MTOR: variants seen among roughly 807,000 people sequenced by gnomAD.
The protein encoded by MTOR is serine/threonine-protein kinase mTOR.
In MTOR, 70 loss-of-function variants were observed where a neutral mutation model predicts 319.8. The ratio of observed to expected loss-of-function variants is 0.22; its 90% CI spans 0.18 to 0.27. The LOEUF (loss-of-function observed/expected upper bound fraction) is 0.27, where lower values mean the gene tolerates loss of function less well. MTOR is among the 10% of genes least tolerant of loss of function. The probability of loss-of-function intolerance (pLI) is 1.00; values close to 1 mark genes in which losing one functional copy is unlikely to be tolerated. For synonymous variants in MTOR, 1,183 were observed against 1,211.4 expected (o/e 0.98, Z 0.49); for missense variants, 1,890 against 3,274.4 (o/e 0.58, Z 10.32).
Position 11,128,765 on chromosome 1 carries a change from C to A in MTOR, c.5811+90G>T. 8.5e-7 allele frequency: 1 copy of A among 1,178,292 alleles called. No homozygotes were observed. The highest frequency in any genetic ancestry group is 1.2e-6 in the Non-Finnish European group (1 of 800,346). The allele number at this position is 1,178,292 out of a possible 1,614,324, so 73.0% of individuals were successfully genotyped here. On this transcript the variant is annotated intron_variant, in intron 41 of 57. Transcript: ENST00000361445. This position sits in a 1 kb window ranked among gnomAD's most constrained non-coding sequence, Gnocchi z 5.3. The stretch of plus-strand genomic sequence containing the variant: ...CTTAGCACTGTATTAACACACACTG[C>A]CTTGTGACACTGAACACAGCATGCT...
chr1:11,190,035 A>C (rs1049263176), intron 28 of MTOR: 1 of 1,502,438 alleles, frequency 6.7e-7, no homozygotes, highest in Non-Finnish European at 8.9e-7. Context: ...GGTCATCAGA[A>C]CCACTACTGG....
intron 10 of MTOR, among the ~76,000 whole-genome samples, chr1:11,240,793 C>T (rs1461019454): frequency 1.3e-5 from 2 of 152,130 alleles, no homozygotes; most frequent in Non-Finnish European, 2.9e-5. Flanking sequence ...TACAGAAGAC[C>T]AAGTCTCAAC....
intron 5 of MTOR, among the ~76,000 whole-genome samples, chr1:11,254,909 C>A (rs114967026): frequency 6.6e-6 from 1 of 151,866 alleles, no homozygotes; most frequent in African/African-American, 2.4e-5. Context: ...GGACCACAGG[C>A]GTGTAACACC....
chr1:11,209,410 G>C lies in MTOR; in HGVS notation c.3703C>G (p.Arg1235Gly), dbSNP rs2100782176. 1 of 1,614,144 alleles carries C rather than the reference G, an allele frequency of 6.2e-7. No individual in the cohort carries two copies. The highest frequency in any genetic ancestry group is 8.5e-7 in the Non-Finnish European group (1 of 1,180,020). Reference protein sequence around the residue: ...EEEDPLIYQHRMLRSGQGDAL... With the variant: ...EEEDPLIYQHGMLRSGQGDAL... ...TCCCCTTGGCCACTCCTAAGCATCC[G>C]ATGCTGGTAAATCAAAGGATCCTCC... The change falls in exon 25 of 58, where the codon CGG becomes GGG. Residue 1235 changes from arginine to glycine, a missense_variant. By Grantham distance (125) the Arg-to-Gly change is moderately radical (BLOSUM62 -2). Around this residue, in one of 15 missense-constraint regions of MTOR, gnomAD observed 115 missense variants for 105.7 expected, o/e 1.09. Transcript: ENST00000361445.
intron 25 of MTOR, among the ~76,000 whole-genome samples, chr1:11,208,809 C>T (rs1347981298): frequency 2.0e-5 from 3 of 152,178 alleles, no homozygotes; most frequent in Non-Finnish European, 2.9e-5. Context: ...AACCTCACTA[C>T]TCAAAGTATG....
chr1:11,235,286 C>G (rs1406154428), intron 13 of MTOR, among the ~76,000 whole-genome samples: 1 of 152,162 alleles, frequency 6.6e-6, no homozygotes, highest in Non-Finnish European at 1.5e-5. Context: ...ATCCTAATAA[C>G]AATAACCAAT....
In MTOR at chr1:11,233,444, G is replaced by C; in HGVS notation, c.2375C>G (p.Pro792Arg). ...KLKDPDPDPN[P>R]GVINNVLATI... The stretch of plus-strand genomic sequence containing the variant: ...TGCCAGGACATTATTGATCACACCT[G>C]GGTTTGGATCAGGGTCTGGATCTTT... The change falls in exon 15 of 58, where the codon CCA becomes CGA. Residue 792 changes from proline to arginine, a missense_variant. Transcript: ENST00000361445. 1 of 1,614,112 alleles carries C rather than the reference G, an allele frequency of 6.2e-7. No individual in the cohort carries two copies. The highest frequency in any genetic ancestry group is 1.1e-5 in the South Asian group (1 of 91,084).
At chr1:11,139,799 C>A in intron 34 of MTOR, 141 bp from the exon 35 acceptor site, 1 of 1,036,356 alleles carries the variant, frequency 9.6e-7, no homozygotes, top group Non-Finnish European at 1.4e-6. Flanking sequence ...TCAAGCAATT[C>A]TCCTGCCTCA....
chr1:11,215,693 T>C (rs1007349528), intron 20 of MTOR, among the ~76,000 whole-genome samples: 1 of 152,150 alleles, frequency 6.6e-6, no homozygotes, highest in Non-Finnish European at 1.5e-5. Context: ...AAAGGTGATA[T>C]GTATGGTTTT....
Position 11,262,438 on chromosome 1 carries a change from G to C in MTOR, c.-15+7C>G, listed in dbSNP as rs1161054270. The C allele has an allele frequency of 2.0e-5, 3 of 152,672 alleles. No individual in the cohort carries two copies. Among genetic ancestry groups the C allele is most frequent in the East Asian group, 1.9e-4 (1 of 5,174 alleles). The allele number at this position is 152,672 out of a possible 1,614,324, so 9.5% of individuals were successfully genotyped here. ...CCTAGAGGGGTCGTGCCAGGCCCTA[G>C]ACTCACCGCGCGGCTTCGGCCAAGG... On this transcript the variant is annotated splice_region_variant and intron_variant, in intron 1 of 57. Transcript: ENST00000361445.
intron 32 of MTOR, among the ~76,000 whole-genome samples, chr1:11,145,839 G>T (rs1455450844): frequency 6.6e-6 from 1 of 152,114 alleles, no homozygotes; most frequent in Non-Finnish European, 1.5e-5. Flanking sequence ...TTCTTGCTGG[G>T]CATGTTTATG....
chr1:11,145,576 G>A lies in MTOR; in HGVS notation c.4687-531C>T, dbSNP rs1643903719. Among the ~76,000 whole-genome samples the A allele has an allele frequency of 4.0e-5, 6 of 151,884 alleles. No homozygotes were observed. In the South Asian group the frequency reaches 1.3e-3, roughly 32 times the overall value. On this transcript the variant is annotated intron_variant, in intron 32 of 57. Coordinates refer to ENST00000361445, the MANE Select transcript of MTOR (RefSeq NM_004958.4). ...ATTTTTGTATTTTTAGTAGAGATAG[G>A]GTTTCTCCATGTTGGTTCAAGCGAT...
chr1:11,214,853 G>C (rs1460288904), intron 20 of MTOR, among the ~76,000 whole-genome samples: 4 of 152,148 alleles, frequency 2.6e-5, no homozygotes, highest in Admixed American at 2.6e-4. Context: ...GCCTTCTTTA[G>C]AGAAGGCCAA....
chr1:11,189,715 TG>T, intron 28 of MTOR: 1 of 1,614,084 alleles, frequency 6.2e-7, no homozygotes, highest in African/African-American at 1.3e-5. Context: ...GGCCAACTGC[TG>T]TGAGGAGGTG....
At chr1:11,242,405 C>T (rs1285348683) in intron 9 of MTOR, among the ~76,000 whole-genome samples, 1 of 144,934 alleles carries the variant, frequency 6.9e-6, no homozygotes, top group Non-Finnish European at 1.5e-5. Flanking sequence ...GAGGCTGAGG[C>T]AGGAGAATCG....
intron 30 of MTOR, among the ~76,000 whole-genome samples, chr1:11,153,085 T>C (rs537457929): frequency 6.6e-6 from 1 of 152,122 alleles, no homozygotes; most frequent in Admixed American, 6.5e-5. Flanking sequence ...CACAAAGGAA[T>C]TGGAGGAAAC....
At chr1:11,169,053 A>G (rs1305119923) in intron 28 of MTOR, among the ~76,000 whole-genome samples, 2 of 152,246 alleles carry the variant, frequency 1.3e-5, no homozygotes, top group African/African-American at 4.8e-5. Context: ...CTTGACCAGA[A>G]TTAATTTTTA....
chr1:11,258,385 T>C lies in MTOR; in HGVS notation c.271+100A>G. On this transcript the variant is annotated intron_variant, in intron 3 of 57. Transcript: ENST00000361445. ...AAAGCCACGGGCTTCTTAAATTTCA[T>C]TAAGCAAATATGAACTAGTATCCAG... The C allele has an allele frequency of 3.7e-6, 3 of 807,552 alleles. No individual in the cohort carries two copies. The Admixed American group carries it at 7.4e-5, about 20-fold the overall frequency. 50.0% of individuals were successfully genotyped at this position (807,552 alleles called of 1,614,324 possible). A position where few individuals can be genotyped will look rare whatever the true frequency, so the allele number is the denominator to read the frequency against.
intron 34 of MTOR, among the ~76,000 whole-genome samples, chr1:11,142,159 T>C (rs1643742947): frequency 6.6e-6 from 1 of 152,108 alleles, no homozygotes; most frequent in African/African-American, 2.4e-5. Flanking sequence ...AACCTGAGAT[T>C]CTATCAGCAA....
Sources: gnomAD v4.1 joint callset for allele counts (sites outside exome capture counted in the v4.1 genomes callset) on GRCh38, gnomAD v4.1.1 for gene constraint, gnomAD v4.1.1 regional missense constraint, Gnocchi (gnomAD v3.1) non-coding constraint, MANE v1.5 for transcripts, NCBI Gene and HGNC (gene_info 2026-07-23, HGNC 2026-07-21) for gene names.